The following HCN1 variants were observed in gnomAD, a reference collection of about 807,000 sequenced individuals.
HCN1 encodes potassium/sodium hyperpolarization-activated cyclic nucleotide-gated channel 1.
A neutral mutation model predicts 78.9 loss-of-function variants in HCN1; 13 were observed. That is an observed-to-expected ratio of 0.16 (90% CI 0.11 to 0.26). HCN1 has a LOEUF of 0.26. HCN1 is among the 10% of genes least tolerant of loss of function. The pLI is 1.00. For missense variants in HCN1, 810 were observed against 1,154.3 expected, an observed-to-expected ratio of 0.70 and a Z score of 4.32; for synonymous variants, 552 against 455.5, an observed-to-expected ratio of 1.21 and a Z score of -2.70.
intron 6 of HCN1, among the ~76,000 whole-genome samples, chr5:45,287,989 C>T (rs986301723): frequency 2.6e-5 from 4 of 151,960 alleles, no homozygotes; most frequent in Non-Finnish European, 4.4e-5. Flanking sequence ...CTAAGCAAAC[C>T]CTAGTGAGGT....
rs1262444815 is a variant in HCN1, at chr5:45,363,307, C to T, written c.1231-10061G>A. Among the ~76,000 whole-genome samples the T allele has an allele frequency of 1.3e-5, 2 of 151,520 alleles. 1 individual carries two copies. The highest frequency in any genetic ancestry group is 4.8e-5 in the African/African-American group (2 of 41,250). ...CTCAGGGTTTTTGCATCAGGGCTCT[C>T]TGGGAACTCTAGAAAACTTGCTCAG... On this transcript the variant is annotated intron_variant, in intron 4 of 7. Coordinates refer to ENST00000303230, the MANE Select transcript of HCN1 (RefSeq NM_021072.4).
intron 2 of HCN1, among the ~76,000 whole-genome samples, chr5:45,533,578 G>A (rs1742903359): frequency 6.6e-6 from 1 of 152,068 alleles, no homozygotes; most frequent in African/African-American, 2.4e-5. Flanking sequence ...GTTAATATAT[G>A]CATTAATTTA....
At chr5:45,561,658 G>A (rs74493905) in intron 2 of HCN1, among the ~76,000 whole-genome samples, 1,868 of 151,696 alleles carry the variant, frequency 0.012, 32 homozygotes, top group African/African-American at 0.043. Context: ...CTTGAATTAC[G>A]CTTGAGTTTA....
intron 5 of HCN1, among the ~76,000 whole-genome samples, chr5:45,314,614 C>T (rs1467590405): frequency 6.6e-6 from 1 of 152,008 alleles, no homozygotes; most frequent in African/African-American, 2.4e-5. Flanking sequence ...TATTCAGGAC[C>T]CATTAATGTG....
chr5:45,526,668 C>G (rs1742742961), intron 2 of HCN1, among the ~76,000 whole-genome samples: 1 of 152,044 alleles, frequency 6.6e-6, no homozygotes, highest in Non-Finnish European at 1.5e-5. Context: ...TCCTATCTTG[C>G]AGATACACAG....
rs550454465 is a variant in HCN1 at position 45,603,573 on chromosome 5, T to C, written c.849+41612A>G. The stretch of plus-strand genomic sequence containing the variant: ...GAATATTTAAAATGGACTCTAAACA[T>C]AGCATTGAATGGTTGAATTTGTTAT... On this transcript the variant is annotated intron_variant, in intron 2 of 7. Coordinates refer to ENST00000303230, the MANE Select transcript of HCN1 (RefSeq NM_021072.4). Among the ~76,000 whole-genome samples, 11 of 152,184 alleles carry C rather than the reference T, an allele frequency of 7.2e-5. No homozygotes were observed. The South Asian group carries it at 2.3e-3, about 32-fold the overall frequency.
intron 6 of HCN1, among the ~76,000 whole-genome samples, chr5:45,288,813 G>T (rs1314710957): frequency 6.6e-6 from 1 of 151,856 alleles, no homozygotes; most frequent in East Asian, 1.9e-4. Flanking sequence ...TTGAAGGGAG[G>T]GTCTAAATTT....
At chr5:45,465,575 T>G (rs1351358987) in intron 2 of HCN1, among the ~76,000 whole-genome samples, 2 of 151,950 alleles carry the variant, frequency 1.3e-5, no homozygotes, top group African/African-American at 4.8e-5. Context: ...GCCAATGTGG[T>G]GAACCCTTGT....
intron 5 of HCN1, among the ~76,000 whole-genome samples, chr5:45,344,365 C>A (rs1448363357): frequency 6.6e-6 from 1 of 152,132 alleles, no homozygotes; most frequent in Non-Finnish European, 1.5e-5. Flanking sequence ...CCTACCAAAT[C>A]TCATGTCCTC....
intron 2 of HCN1, among the ~76,000 whole-genome samples, chr5:45,599,804 C>T (rs189292029): frequency 6.6e-6 from 1 of 151,994 alleles, no homozygotes; most frequent in Admixed American, 6.6e-5. Flanking sequence ...CCACACATTG[C>T]ACACTAGAGT....
chr5:45,492,722 G>C (rs1741914701), intron 2 of HCN1, among the ~76,000 whole-genome samples: 1 of 151,772 alleles, frequency 6.6e-6, no homozygotes, highest in African/African-American at 2.4e-5. Flanking sequence ...GGCTGGTCTT[G>C]AACTCCCGGC....
rs1327878219 is a variant in HCN1 at position 45,326,528 on chromosome 5, T to C, written c.1378-22689A>G. Among the ~76,000 whole-genome samples, 6 of 151,606 alleles carry C rather than the reference T, an allele frequency of 4.0e-5. No individual in the cohort carries two copies. In the South Asian group the frequency reaches 8.3e-4, roughly 21 times the overall value. On this transcript the variant is annotated intron_variant, in intron 5 of 7. Coordinates refer to ENST00000303230, the MANE Select transcript of HCN1 (RefSeq NM_021072.4). The stretch of plus-strand genomic sequence containing the variant: ...AGAGAAATAGACTGCAATAGCCTCT[T>C]AAATAATGGCAAACTTTAGCATTTT...
At chr5:45,355,366 C>T (rs1043862481) in intron 4 of HCN1, among the ~76,000 whole-genome samples, 2 of 151,854 alleles carry the variant, frequency 1.3e-5, no homozygotes, top group Admixed American at 1.3e-4. Context: ...CTTGGGAATT[C>T]TTTATAAATA....
chr5:45,531,304 C>T (rs533902411), intron 2 of HCN1, among the ~76,000 whole-genome samples: 3 of 152,200 alleles, frequency 2.0e-5, no homozygotes, highest in Admixed American at 2.0e-4. Flanking sequence ...CTCATATCTC[C>T]TTCTACCATT....
At chr5:45,581,514 CTTTAG>C (rs1197496643) in intron 2 of HCN1, among the ~76,000 whole-genome samples, 1 of 152,110 alleles carries the variant, frequency 6.6e-6, no homozygotes, top group Non-Finnish European at 1.5e-5. Context: ...TGCAGAAGCT[CTTTAG>C]TTTAATTAGA....
At chr5:45,645,107 G>T in intron 2 of HCN1, 78 bp downstream of exon 2, 1 of 1,059,794 alleles carries the variant, frequency 9.4e-7, no homozygotes, top group East Asian at 2.5e-5. Context: ...ATTACACATT[G>T]CACAGTTGTT....
intron 3 of HCN1, among the ~76,000 whole-genome samples, chr5:45,398,325 C>G (rs144959916): frequency 6.6e-6 from 1 of 152,060 alleles, no homozygotes; most frequent in Admixed American, 6.6e-5. Flanking sequence ...CACTCAGCTT[C>G]CCCAGAGGTA....
intron 3 of HCN1, among the ~76,000 whole-genome samples, chr5:45,416,454 C>G (rs1740121307): frequency 6.6e-6 from 1 of 151,916 alleles, no homozygotes. Context: ...TATATACAAC[C>G]TGACAAGCTA....
At chr5:45,648,145 A>G (rs1370291657) in intron 1 of HCN1, among the ~76,000 whole-genome samples, 1 of 152,112 alleles carries the variant, frequency 6.6e-6, no homozygotes, top group Non-Finnish European at 1.5e-5. Context: ...CTACCCATTT[A>G]CCCTTCCTCA....
Sources: allele counts gnomAD v4.1 joint callset (sites outside exome capture counted in the v4.1 genomes callset), GRCh38; gene constraint gnomAD v4.1.1; transcripts MANE v1.5; gene names NCBI Gene and HGNC (gene_info 2026-07-23, HGNC 2026-07-21).